ZFYVE1: variants seen among roughly 807,000 people sequenced by gnomAD.
ZFYVE1 encodes the protein zinc finger FYVE-type containing 1, also known as zinc finger FYVE domain-containing protein 1.
ZFYVE1 carries 30 observed loss-of-function variants against 74.4 expected under a neutral mutation model. The observed-to-expected ratio is 0.40, with a 90% CI of 0.30 to 0.55. The LOEUF (loss-of-function observed/expected upper bound fraction) is 0.55, where lower values mean the gene tolerates loss of function less well. ZFYVE1 is among the 20% of genes least tolerant of loss of function. ZFYVE1 has a pLI of 0.42. For missense variants in ZFYVE1, 703 were observed against 1,011.6 expected (o/e 0.69, Z 4.14); for synonymous variants, 335 against 385.1 (o/e 0.87, Z 1.52).
chr14:72,980,401 C>T (rs982287338), intron 5 of ZFYVE1, among the ~76,000 whole-genome samples: 1 of 152,160 alleles, frequency 6.6e-6, no homozygotes, highest in Admixed American at 6.5e-5. Context: ...CTGACCTCGA[C>T]ACACTGCATT....
chr14:72,977,300 G>T (rs943363001), intron 8 of ZFYVE1, among the ~76,000 whole-genome samples: 16 of 152,038 alleles, frequency 1.1e-4, no homozygotes, highest in African/African-American at 3.6e-4. Context: ...CAGCTACTCG[G>T]GAAGCTGAGG....
chr14:72,978,166 C>G lies in ZFYVE1; in HGVS notation c.1488G>C (p.Trp496Cys). 1 of 1,614,214 alleles carries G rather than the reference C, an allele frequency of 6.2e-7. No individual in the cohort carries two copies. Residue 496 changes from tryptophan to cysteine, a missense_variant, in exon 7 of 12, where the codon TGG (tryptophan) becomes TGC (cysteine). Physicochemically the swap from Trp to Cys is radical, Grantham distance 215 (BLOSUM62 -2). Around this residue, in one of 2 missense-constraint regions of ZFYVE1, gnomAD observed 492 missense variants for 790.0 expected, o/e 0.62. Transcript: ENST00000556143. ...ACCAGGCATATTTTGCGAGACCCAT[C>G]CAGGGGGAGTCAGTGGAAGCAGATG... The part of the protein sequence containing the change: ...PKTSASTDSP[W>C]MGLAKYAWSG...
chr14:73,023,168 AT>A (rs60693560), intron 2 of ZFYVE1, among the ~76,000 whole-genome samples: 10,729 of 121,752 alleles, frequency 0.088, 1,182 homozygotes, highest in South Asian at 0.2. Context: ...CTCAAAAAAT[AT>A]ATATATATAT....
chr14:73,008,566 C>G (rs1894027622), intron 2 of ZFYVE1, among the ~76,000 whole-genome samples: 1 of 152,164 alleles, frequency 6.6e-6, no homozygotes. Context: ...ACACCCAGTT[C>G]AGCAATCCAT....
At chr14:72,991,581 T>G (rs1893614769) in intron 4 of ZFYVE1, among the ~76,000 whole-genome samples, 1 of 147,966 alleles carries the variant, frequency 6.8e-6, no homozygotes, top group Admixed American at 6.9e-5. Flanking sequence ...TGCCTTATAA[T>G]GCACAGTGAT....
chr14:73,015,287 A>G (rs1894168987), intron 2 of ZFYVE1, among the ~76,000 whole-genome samples: 1 of 85,768 alleles, frequency 1.2e-5, no homozygotes, highest in Non-Finnish European at 2.3e-5. Flanking sequence ...GAAGGAAGGA[A>G]GGAAGGAAAG....
At chr14:73,002,568 G>C (rs891333328) in intron 2 of ZFYVE1, among the ~76,000 whole-genome samples, 4 of 151,632 alleles carry the variant, frequency 2.6e-5, no homozygotes, top group Non-Finnish European at 5.9e-5. Flanking sequence ...TCAAACTCCC[G>C]AGTAGCTGGG....
intron 11 of ZFYVE1, among the ~76,000 whole-genome samples, chr14:72,973,496 C>A (rs1893088819): frequency 7.7e-6 from 1 of 129,602 alleles, no homozygotes; most frequent in African/African-American, 3.0e-5. Flanking sequence ...CTCAAAAAAA[C>A]AAACAAACAA....
At position 72,975,045 on chromosome 14, in the gene ZFYVE1, A is replaced by C; in HGVS notation, c.1807-86T>G. On this transcript the variant is annotated intron_variant, in intron 9 of 11. Transcript: ENST00000556143. The surrounding 1 kb of genome is among the most constrained non-coding windows in gnomAD (Gnocchi z 4.1). ...GAGAAAGTCAACAAGACCCCGGAGC[A>C]AGCAGAAACTAAGGCAGGTGGCGTT... is the stretch of plus-strand genomic sequence containing the variant. 6.9e-7 allele frequency: 1 copy of C among 1,440,416 alleles called. No homozygotes were observed. 89.2% of individuals were successfully genotyped at this position (1,440,416 alleles called of 1,614,324 possible).
chr14:72,988,103 T>C (rs1893524492), intron 4 of ZFYVE1, among the ~76,000 whole-genome samples: 1 of 152,112 alleles, frequency 6.6e-6, no homozygotes, highest in African/African-American at 2.4e-5. Context: ...AGTAGTACTT[T>C]GACTTCCTTT....
At chr14:73,020,335 C>T (rs1894291738) in intron 2 of ZFYVE1, among the ~76,000 whole-genome samples, 1 of 151,312 alleles carries the variant, frequency 6.6e-6, no homozygotes, top group African/African-American at 2.4e-5. Context: ...ATGCAGTTCA[C>T]TGTTTTTTGT....
chr14:73,004,090 G>A (rs546112526), intron 2 of ZFYVE1, among the ~76,000 whole-genome samples: 1 of 152,308 alleles, frequency 6.6e-6, no homozygotes, highest in South Asian at 2.1e-4. Flanking sequence ...ACAACGGAGA[G>A]AAACAAGAAG....
chr14:73,024,619 G>C lies in ZFYVE1; in HGVS notation c.-111C>G, dbSNP rs1044175163. On this transcript the variant is annotated 5_prime_UTR_variant, in exon 2 of 12. Transcript: ENST00000556143. Reference sequence around the variant, plus strand: ...CTGCACGAAACTTCCACAGGGTTCTGAACACTTTAAAAAAGAACACCTTTC... The same window carrying C: ...CTGCACGAAACTTCCACAGGGTTCTCAACACTTTAAAAAAGAACACCTTTC... 7.0e-7 allele frequency: 1 copy of C among 1,431,468 alleles called. No individual in the cohort carries two copies. Among genetic ancestry groups the C allele is most frequent in the Non-Finnish European group, 9.3e-7 (1 of 1,077,792 alleles). The allele number at this position is 1,431,468 out of a possible 1,614,324, so 88.7% of individuals were successfully genotyped here.
chr14:72,985,750 A>T (rs530719343), intron 4 of ZFYVE1, among the ~76,000 whole-genome samples: 315 of 143,424 alleles, frequency 2.2e-3, no homozygotes, highest in Middle Eastern at 3.6e-3. Context: ...ATTATTATTT[A>T]AAAAAAAAAA....
intron 2 of ZFYVE1, among the ~76,000 whole-genome samples, chr14:73,021,258 G>A (rs1260882975): frequency 1.3e-5 from 2 of 152,262 alleles, no homozygotes; most frequent in African/African-American, 2.4e-5. Context: ...TGAGGCAGGA[G>A]AATCGCTTGA....
At chr14:73,016,551 T>G (rs1894207128) in intron 2 of ZFYVE1, among the ~76,000 whole-genome samples, 1 of 151,336 alleles carries the variant, frequency 6.6e-6, no homozygotes, top group South Asian at 2.1e-4. Flanking sequence ...GTAAGTCCTT[T>G]GGTTTTCCTA....
intron 1 of ZFYVE1, among the ~76,000 whole-genome samples, chr14:73,025,211 C>T (rs995223820): frequency 9.2e-5 from 14 of 151,580 alleles, no homozygotes; most frequent in Non-Finnish European, 1.3e-4. Context: ...TGGGATTACA[C>T]GCGCTAGCCA....
At chr14:72,982,480 C>T (rs1284710513) in intron 4 of ZFYVE1, among the ~76,000 whole-genome samples, 1 of 151,970 alleles carries the variant, frequency 6.6e-6, no homozygotes, top group Non-Finnish European at 1.5e-5. Flanking sequence ...CAAAGGACAG[C>T]AAATGGCCAA....
chr14:72,994,612 T>C (rs952217023), intron 3 of ZFYVE1, among the ~76,000 whole-genome samples: 3 of 152,268 alleles, frequency 2.0e-5, no homozygotes, highest in East Asian at 1.9e-4. Flanking sequence ...ACCCATTCAT[T>C]GGAAAAATCT....
Sources: gnomAD v4.1 joint callset for allele counts (sites outside exome capture counted in the v4.1 genomes callset) on GRCh38, gnomAD v4.1.1 for gene constraint, gnomAD v4.1.1 regional missense constraint, Gnocchi (gnomAD v3.1) non-coding constraint, MANE v1.5 for transcripts, NCBI Gene and HGNC (gene_info 2026-07-23, HGNC 2026-07-21) for gene names.